The following UGT1A9 variants were observed in gnomAD, a reference collection of about 807,000 sequenced individuals.
UGT1A9 encodes UDP glucuronosyltransferase family 1 member A9.
In UGT1A9, 35 loss-of-function variants were observed where a neutral mutation model predicts 45.0. The ratio of observed to expected loss-of-function variants is 0.78; its 90% CI spans 0.59 to 1.03. UGT1A9 has a LOEUF of 1.03. Ranked by LOEUF, UGT1A9 falls within the 50% of genes least tolerant of loss-of-function variation. The pLI, the probability that UGT1A9 is intolerant of heterozygous loss-of-function variation, is 0.00. For missense variants in UGT1A9, 687 were observed against 666.6 expected (o/e 1.03, Z -0.34); for synonymous variants, 278 against 250.6 (o/e 1.11, Z -1.03).
In UGT1A9 at chr2:233,748,516, C is replaced by T. The variant is rs60390282; in HGVS notation, c.856-18518C>T. On this transcript the variant is annotated intron_variant, in intron 1 of 4. Transcript: ENST00000354728. ...GATAATTTTTAGTGGTCCTGTCTTGCGAATGATAGAGAGGTGACCACAGGA... is the reference window on the plus strand; with the variant it reads ...GATAATTTTTAGTGGTCCTGTCTTGTGAATGATAGAGAGGTGACCACAGGA... Among the ~76,000 whole-genome samples, 169 of 151,786 alleles carry T rather than the reference C, an allele frequency of 1.1e-3. 1 individual carries two copies. Among genetic ancestry groups the T allele is most frequent in the African/African-American group, 4.1e-3 (168 of 41,150 alleles).
chr2:233,713,840 C>A (rs149208140), intron 1 of UGT1A9: 1 of 1,614,012 alleles, frequency 6.2e-7, no homozygotes, highest in Non-Finnish European at 8.5e-7. Context: ...ACTGTGCCAA[C>A]GGGAAGCCAC....
intron 1 of UGT1A9, among the ~76,000 whole-genome samples, chr2:233,739,216 G>A (rs1265405440): frequency 6.6e-6 from 1 of 152,218 alleles, no homozygotes; most frequent in Admixed American, 6.5e-5. Context: ...CATGGATAGA[G>A]TCCTTATAGA....
intron 1 of UGT1A9, among the ~76,000 whole-genome samples, chr2:233,736,928 C>T (rs1427688264): frequency 1.3e-5 from 2 of 152,158 alleles, no homozygotes; most frequent in African/African-American, 4.8e-5. Context: ...CAGAGGCGCA[C>T]CCACCTATAT....
chr2:233,730,127 C>G (rs2077990319), intron 1 of UGT1A9: 1 of 1,540,256 alleles, frequency 6.5e-7, no homozygotes, highest in East Asian at 2.4e-5. Context: ...GTCATAATAG[C>G]CTTCAGTGAG....
chr2:233,699,054 A>T (rs561736764), intron 1 of UGT1A9, among the ~76,000 whole-genome samples: 1 of 152,280 alleles, frequency 6.6e-6, no homozygotes, highest in East Asian at 1.9e-4. Flanking sequence ...GAAACAACTT[A>T]TCCCAGCCCT....
At chr2:233,724,141 C>A in intron 1 of UGT1A9, among the ~76,000 whole-genome samples, 1 of 115,194 alleles carries the variant, frequency 8.7e-6, no homozygotes, top group African/African-American at 4.0e-5. Context: ...CCGGACGGGG[C>A]GGCTGGCCGG....
At position 233,704,041 on chromosome 2, in the gene UGT1A9, C is replaced by A. The variant is rs141937060; in HGVS notation, c.855+31252C>A. On this transcript the variant is annotated intron_variant, in intron 1 of 4. Coordinates refer to ENST00000354728, the MANE Select transcript of UGT1A9 (RefSeq NM_021027.3). ...GAGCAGCTGGAACTACAGGTGTGCA[C>A]CAACATGCCTGGCTAATTTTTGTAT... Among the ~76,000 whole-genome samples, 1,273 of 152,104 alleles carry A rather than the reference C, an allele frequency of 8.4e-3. 25 individuals are homozygous for A. Among genetic ancestry groups the A allele is most frequent in the African/African-American group, 0.029 (1,206 of 41,484 alleles).
In UGT1A9 at chr2:233,760,982, C is replaced by A. The variant is rs147640261; in HGVS notation, c.856-6052C>A. Reference sequence around the variant, plus strand: ...GACGTGGTTTATTCCCCGTATGCAACCCTTGCCTCAGAATTCCTTCAGAGA... The same window carrying A: ...GACGTGGTTTATTCCCCGTATGCAAACCTTGCCTCAGAATTCCTTCAGAGA... On this transcript the variant is annotated intron_variant, in intron 1 of 4. Transcript: ENST00000354728. The A allele has an allele frequency of 1.9e-6, 3 of 1,614,220 alleles. No individual in the cohort carries two copies. The highest frequency in any genetic ancestry group is 2.7e-5 in the African/African-American group (2 of 75,052).
At chr2:233,729,994 G>T in intron 1 of UGT1A9, 10 of 1,613,954 alleles carry the variant, frequency 6.2e-6, no homozygotes, top group African/African-American at 1.3e-5. Context: ...ACTATCTCAG[G>T]TCTGTATTGG....
intron 1 of UGT1A9, among the ~76,000 whole-genome samples, chr2:233,723,536 T>TTC (rs1553611580): frequency 8.2e-6 from 1 of 121,444 alleles, no homozygotes; most frequent in Non-Finnish European, 1.6e-5. Context: ...TTTTTTTTTT[T>TTC]AATTTATTTT....
At chr2:233,719,099 G>A (rs769526366) in intron 1 of UGT1A9, 39 of 1,614,126 alleles carry the variant, frequency 2.4e-5, no homozygotes, top group African/African-American at 2.0e-4. Flanking sequence ...ATCGCGTTAC[G>A]CTGGGCTACA....
intron 1 of UGT1A9, chr2:233,713,437 T>G: frequency 6.2e-7 from 1 of 1,614,192 alleles, no homozygotes; most frequent in Non-Finnish European, 8.5e-7. Flanking sequence ...TTTGATGTGG[T>G]TCTAACAGAC....
chr2:233,735,442 G>A (rs1187026118), intron 1 of UGT1A9, among the ~76,000 whole-genome samples: 1 of 151,980 alleles, frequency 6.6e-6, no homozygotes, highest in Non-Finnish European at 1.5e-5. Flanking sequence ...ACAGCATACC[G>A]ATGGGCCTTG....
chr2:233,751,212 G>A (rs1434811842), intron 1 of UGT1A9, among the ~76,000 whole-genome samples: 1 of 151,972 alleles, frequency 6.6e-6, no homozygotes, highest in Non-Finnish European at 1.5e-5. Context: ...GGAGCTTTAA[G>A]ATTTAATGAC....
At chr2:233,722,664 T>C (rs1443762088) in intron 1 of UGT1A9, among the ~76,000 whole-genome samples, 2 of 152,158 alleles carry the variant, frequency 1.3e-5, no homozygotes, top group Admixed American at 1.3e-4. Flanking sequence ...TTTACTTAGG[T>C]TTTGGTAAAA....
At chr2:233,748,198 C>T (rs1478971867) in intron 1 of UGT1A9, 15 of 1,535,826 alleles carry the variant, frequency 9.8e-6, no homozygotes, top group Non-Finnish European at 1.1e-5. Flanking sequence ...TTCTGCTTGT[C>T]GTAATAGCCT....
At chr2:233,710,391 A>G (rs2076129551) in intron 1 of UGT1A9, among the ~76,000 whole-genome samples, 1 of 152,224 alleles carries the variant, frequency 6.6e-6, no homozygotes. Context: ...GCAACGCATT[A>G]GAGTTCTGGC....
chr2:233,729,653 T>A, intron 1 of UGT1A9: 1 of 1,613,906 alleles, frequency 6.2e-7, no homozygotes, highest in Non-Finnish European at 8.5e-7. Context: ...TTGAGGAACA[T>A]TCCATGTGAT....
chr2:233,768,499 A>G (rs528932470), intron 4 of UGT1A9, 60 bp downstream of exon 4: 7 of 1,570,454 alleles, frequency 4.5e-6, no homozygotes, highest in Non-Finnish European at 6.1e-6. Flanking sequence ...AATTGTTTCA[A>G]ATATGAAAAC....
Sources: gnomAD v4.1 joint callset for allele counts (sites outside exome capture counted in the v4.1 genomes callset) on GRCh38, gnomAD v4.1.1 for gene constraint, MANE v1.5 for transcripts, NCBI Gene and HGNC (gene_info 2026-07-23, HGNC 2026-07-21) for gene names.